The following VPS52 variants were observed in gnomAD, a reference collection of about 807,000 sequenced individuals.
The protein encoded by VPS52 is vacuolar protein sorting-associated protein 52 homolog.
Under a neutral mutation model 98.7 loss-of-function variants are expected in VPS52, and 56 were observed. The observed-to-expected ratio is 0.57, with a 90% CI of 0.46 to 0.71. VPS52 has a LOEUF of 0.71. Among genes scored for constraint, VPS52 ranks in the 30% least tolerant of loss-of-function variants. The pLI is 0.00. For synonymous variants in VPS52, 348 were observed against 346.4 expected, an observed-to-expected ratio of 1.00 and a Z score of -0.05; for missense variants, 742 against 925.9, an observed-to-expected ratio of 0.80 and a Z score of 2.58.
At position 33,250,617 on chromosome 6, in the gene VPS52, G is replaced by A; in HGVS notation, c.*224C>T. 5.3e-6 allele frequency: 3 copies of A among 560,862 alleles called. No homozygotes were observed. In the East Asian group the frequency reaches 9.2e-5, roughly 17 times the overall value. The allele number at this position is 560,862 out of a possible 1,614,324, so 34.7% of individuals were successfully genotyped here. A position where few individuals can be genotyped will look rare whatever the true frequency, so the allele number is the denominator to read the frequency against. ...AAAGGCCATTTTGGAAGCCCACAGG[G>A]AAGTGGTCTTGGGAAACCTGAAGAC... On this transcript the variant is annotated 3_prime_UTR_variant, in exon 20 of 20. Transcript: ENST00000445902.
chr6:33,266,678 T>G lies in VPS52; in HGVS notation c.1160A>C (p.Tyr387Ser). Residue 387 changes from tyrosine to serine, a missense_variant, in exon 12 of 20, where the codon TAC becomes TCC. This residue lies in a region of VPS52 where 590 missense variants were observed against 793.3 expected (regional missense o/e 0.74). Coordinates refer to ENST00000445902, the MANE Select transcript of VPS52 (RefSeq NM_022553.6). ...PFEALFRSQH[Y>S]ALLDNSCREY... ...GCGGCAGGAATTGTCTAGGAGGGCG[T>G]AGTGCTGGCTGCGGAAGAGGGCCTC... The G allele has an allele frequency of 6.2e-7, 1 of 1,611,546 alleles. No homozygotes were observed. Among genetic ancestry groups the G allele is most frequent in the Non-Finnish European group, 8.5e-7 (1 of 1,179,490 alleles).
chr6:33,268,506 C>A lies in VPS52; in HGVS notation c.692G>T (p.Arg231Leu). ...ADVRGVLDRLRVKAVTKIREF... is the reference protein window; with the variant it reads ...ADVRGVLDRLLVKAVTKIREF... ...TCCATCCCTACTTCCCACCTTGACCCGGAGCCGATCGAGCACGCCTCTGAC... is the reference window on the plus strand; with the variant it reads ...TCCATCCCTACTTCCCACCTTGACCAGGAGCCGATCGAGCACGCCTCTGAC... Residue 231 changes from arginine to leucine, a missense_variant, in exon 7 of 20, where the codon CGG becomes CTG. Transcript: ENST00000445902. This position sits in a 1 kb window ranked among gnomAD's most constrained non-coding sequence, Gnocchi z 4.0. 6.2e-7 allele frequency: 1 copy of A among 1,601,180 alleles called. No individual in the cohort carries two copies. The highest frequency in any genetic ancestry group is 1.1e-5 in the South Asian group (1 of 90,074).
upstream of VPS52, chr6:33,271,939 C>T: frequency 1.9e-6 from 2 of 1,056,846 alleles, no homozygotes; most frequent in Non-Finnish European, 2.7e-6. Context: ...AAAGGCGCAC[C>T]GGAAGTTGTG....
chr6:33,264,315 A>C (rs369245452), intron 14 of VPS52, 59 bp downstream of exon 14: 1 of 1,598,778 alleles, frequency 6.3e-7, no homozygotes, highest in South Asian at 1.1e-5. Context: ...GCCAACCCCC[A>C]CAATGATGCT....
chr6:33,269,665 C>A (rs1350445484), intron 4 of VPS52, 79 bp downstream of exon 4: 65 of 1,569,138 alleles, frequency 4.1e-5, no homozygotes, highest in Non-Finnish European at 4.5e-5. Flanking sequence ...GAGATGTTGA[C>A]CCCAGCTGGG....
chr6:33,268,288 G>A lies in VPS52; in HGVS notation c.700-80C>T, dbSNP rs534667470. ...AGAGGAACTGGGGGAAGCAACAAAT[G>A]GTAAACATAGGCAGAAGGGTGGTGA... On this transcript the variant is annotated intron_variant, in intron 7 of 19. Transcript: ENST00000445902. This position sits in a 1 kb window ranked among gnomAD's most constrained non-coding sequence, Gnocchi z 4.0. The A allele has an allele frequency of 2.8e-6, 4 of 1,443,814 alleles. No homozygotes were observed. The African/African-American group carries it at 4.2e-5, about 15-fold the overall frequency. 89.4% of individuals were successfully genotyped at this position (1,443,814 alleles called of 1,614,324 possible). A position where few individuals can be genotyped will look rare whatever the true frequency, so the allele number is the denominator to read the frequency against.
chr6:33,265,809 T>C (rs1053348075), intron 12 of VPS52, among the ~76,000 whole-genome samples: 1 of 152,090 alleles, frequency 6.6e-6, no homozygotes, highest in Non-Finnish European at 1.5e-5. Context: ...GTAGGGGTAG[T>C]CTCAGGGACC....
rs1397051203 is a variant in VPS52, at chr6:33,268,864, T to C, written c.548+150A>G. Reference sequence around the variant, plus strand: ...CTTAATCTTAATCTTTGATGCCTAATGCATACCTAAAGAAATGGTGGTTAA... The same window carrying C: ...CTTAATCTTAATCTTTGATGCCTAACGCATACCTAAAGAAATGGTGGTTAA... On this transcript the variant is annotated intron_variant, in intron 6 of 19. Coordinates refer to ENST00000445902, the MANE Select transcript of VPS52 (RefSeq NM_022553.6). The surrounding 1 kb of genome is among the most constrained non-coding windows in gnomAD (Gnocchi z 4.0). 8.8e-7 allele frequency: 1 copy of C among 1,139,526 alleles called. No individual in the cohort carries two copies. Among genetic ancestry groups the C allele is most frequent in the Non-Finnish European group, 1.2e-6 (1 of 812,560 alleles). The allele number at this position is 1,139,526 out of a possible 1,614,324, so 70.6% of individuals were successfully genotyped here.
rs889786289 is a variant in VPS52 at position 33,271,699 on chromosome 6, A to C, written c.-24T>G. The stretch of plus-strand genomic sequence containing the variant: ...ATTCCCCGCAGCCTCACTTCCGGCA[A>C]CTGTCAGTCCCGGCGAGTCCGTTCC... On this transcript the variant is annotated 5_prime_UTR_variant, in exon 1 of 20. Coordinates refer to ENST00000445902, the MANE Select transcript of VPS52 (RefSeq NM_022553.6). 3 of 1,596,388 alleles carry C rather than the reference A, an allele frequency of 1.9e-6. No homozygotes were observed. The highest frequency in any genetic ancestry group is 2.3e-5 in the South Asian group (2 of 88,688).
In VPS52 at chr6:33,251,622, G is replaced by A; in HGVS notation, c.1921C>T (p.Leu641=). The change falls in exon 19 of 20, where the codon CTG becomes TTG. Residue 641 remains leucine, a synonymous_variant. Transcript: ENST00000445902. ...CAGGAACTACCAAAGCCACGGATCA[G>A]CTGAGTTACCCGGGCTAATAGCAGG... The part of the protein sequence containing the change: ...LRGEEARVTQ[L]IRGFGSSWKS... The A allele has an allele frequency of 6.2e-7, 1 of 1,613,516 alleles. No homozygotes were observed. Among genetic ancestry groups the A allele is most frequent in the African/African-American group, 1.3e-5 (1 of 75,010 alleles).
chr6:33,263,975 G>A (rs760052833), intron 15 of VPS52, 33 bp downstream of exon 15: 1 of 1,613,904 alleles, frequency 6.2e-7, no homozygotes, highest in Non-Finnish European at 8.5e-7. Flanking sequence ...AAGCAGCCCT[G>A]CTGCTGGGAA....
At chr6:33,260,549 C>T (rs889239906) in intron 17 of VPS52, among the ~76,000 whole-genome samples, 2 of 152,158 alleles carry the variant, frequency 1.3e-5, no homozygotes, top group African/African-American at 4.8e-5. Context: ...CTACTGAAAC[C>T]ATCCCTGTGC....
chr6:33,264,140 C>T, intron 14 of VPS52, 37 bp from the exon 15 acceptor site: 1 of 1,608,820 alleles, frequency 6.2e-7, no homozygotes, highest in Non-Finnish European at 8.5e-7. Flanking sequence ...CACCCACCTC[C>T]TGGCCCAACC....
intron 17 of VPS52, among the ~76,000 whole-genome samples, chr6:33,258,549 C>T (rs1763274574): frequency 6.6e-6 from 1 of 151,334 alleles, no homozygotes; most frequent in Non-Finnish European, 1.5e-5. Flanking sequence ...GTAGATGATG[C>T]AAAGAACTCT....
chr6:33,270,147 C>G, intron 2 of VPS52, 52 bp downstream of exon 2: 1 of 1,612,280 alleles, frequency 6.2e-7, no homozygotes, highest in Non-Finnish European at 8.5e-7. Flanking sequence ...TCCTTCCAGC[C>G]CCCATGCCTC....
At chr6:33,269,213 G>A (rs573141460) in intron 5 of VPS52, 24 bp from the exon 6 acceptor site, 55 of 1,612,392 alleles carry the variant, frequency 3.4e-5, no homozygotes, top group Admixed American at 1.2e-4. Flanking sequence ...AGATGTTGCC[G>A]GAGTGCTATA....
At chr6:33,253,787 A>G (rs1214034603) in intron 17 of VPS52, among the ~76,000 whole-genome samples, 1 of 151,888 alleles carries the variant, frequency 6.6e-6, no homozygotes, top group East Asian at 1.9e-4. Context: ...TAACATTCTG[A>G]TACAGATGAA....
In VPS52 at chr6:33,264,755, G is replaced by A. The variant is rs777718983; in HGVS notation, c.1400+27C>T. The A allele has an allele frequency of 4.4e-6, 7 of 1,597,522 alleles. No individual in the cohort carries two copies. The East Asian group carries it at 1.6e-4, about 36-fold the overall frequency. On this transcript the variant is annotated intron_variant, in intron 13 of 19. Transcript: ENST00000445902. ...AGACCAAGAGAGTTCGTGGCCTGTT[G>A]GGCATCAAGGACCAGAATTCAGTGA...
rs1185819509 is a variant in VPS52, at chr6:33,268,846, T to C, written c.548+168A>G. Among the ~76,000 whole-genome samples the C allele has an allele frequency of 2.0e-5, 3 of 152,226 alleles. No individual in the cohort carries two copies. The East Asian group carries it at 5.8e-4, about 29-fold the overall frequency. On this transcript the variant is annotated intron_variant, in intron 6 of 19. Transcript: ENST00000445902. The surrounding 1 kb of genome is among the most constrained non-coding windows in gnomAD (Gnocchi z 4.0). ...ACCTGATCTTACATCATTCTTAATC[T>C]TAATCTTTGATGCCTAATGCATACC...
Sources: allele counts gnomAD v4.1 joint callset (sites outside exome capture counted in the v4.1 genomes callset), GRCh38; gene constraint gnomAD v4.1.1; regional missense constraint gnomAD v4.1.1; non-coding constraint Gnocchi (gnomAD v3.1); transcripts MANE v1.5; gene names NCBI Gene and HGNC (gene_info 2026-07-23, HGNC 2026-07-21).